The following DNAH14 variants were observed in gnomAD, a reference collection of about 807,000 sequenced individuals.
DNAH14 encodes the protein dynein axonemal heavy chain 14, also known as axonemal beta dynein heavy chain 14.
In DNAH14, 478 loss-of-function variants were observed where a neutral mutation model predicts 520.9. The ratio of observed to expected loss-of-function variants is 0.92; its 90% CI spans 0.85 to 0.99. The LOEUF is 0.99. Ranked by LOEUF, DNAH14 falls within the 50% of genes least tolerant of loss-of-function variation. The probability of loss-of-function intolerance (pLI) is 0.00; values close to 1 mark genes in which losing one functional copy is unlikely to be tolerated. For synonymous variants in DNAH14, 1,581 were observed against 1,757.2 expected, an observed-to-expected ratio of 0.90 and a Z score of 2.51; for missense variants, 4,831 against 5,234.5, an observed-to-expected ratio of 0.92 and a Z score of 2.38.
chr1:224,972,263 A>G (rs1440714626), intron 7 of DNAH14, among the ~76,000 whole-genome samples: 1 of 152,052 alleles, frequency 6.6e-6, no homozygotes, highest in African/African-American at 2.4e-5. Flanking sequence ...AAGTTGTACA[A>G]TTAATATAGA....
chr1:225,086,710 C>T (rs1449920117), intron 21 of DNAH14, among the ~76,000 whole-genome samples: 2 of 151,292 alleles, frequency 1.3e-5, no homozygotes, highest in African/African-American at 4.9e-5. Flanking sequence ...TAATCACATG[C>T]AGTACAAAAA....
intron 27 of DNAH14, among the ~76,000 whole-genome samples, chr1:225,124,022 G>A (rs1043426259): frequency 6.6e-6 from 1 of 152,162 alleles, no homozygotes; most frequent in African/African-American, 2.4e-5. Context: ...CAAAGTGCTA[G>A]GATTACAGGA....
intron 17 of DNAH14, among the ~76,000 whole-genome samples, chr1:225,078,212 G>T (rs543364479): frequency 2.0e-5 from 3 of 152,148 alleles, no homozygotes; most frequent in Non-Finnish European, 4.4e-5. Flanking sequence ...AATCACAGTT[G>T]TATAACTTGC....
chr1:225,379,112 G>A (rs888804835), intron 79 of DNAH14, among the ~76,000 whole-genome samples: 3 of 152,066 alleles, frequency 2.0e-5, no homozygotes, highest in African/African-American at 7.2e-5. Flanking sequence ...CTGGACACGC[G>A]CTCCTCCTGT....
intron 58 of DNAH14, among the ~76,000 whole-genome samples, chr1:225,305,385 C>G (rs755454226): frequency 6.6e-6 from 1 of 152,182 alleles, no homozygotes; most frequent in Non-Finnish European, 1.5e-5. Flanking sequence ...AAGAGTGCCA[C>G]TCCCCATGTC....
At chr1:224,938,296 A>G (rs2059171753) in intron 1 of DNAH14, among the ~76,000 whole-genome samples, 1 of 152,120 alleles carries the variant, frequency 6.6e-6, no homozygotes, top group African/African-American at 2.4e-5. Flanking sequence ...ACCTAAGCAT[A>G]TGACAAGGGA....
At chr1:225,374,175 A>G (rs1328292125) in intron 77 of DNAH14, among the ~76,000 whole-genome samples, 6 of 108,124 alleles carry the variant, frequency 5.5e-5, no homozygotes, top group Non-Finnish European at 7.5e-5. Flanking sequence ...ATATATATAT[A>G]TATATATACT....
At chr1:225,019,658 A>G (rs1044977868) in intron 10 of DNAH14, among the ~76,000 whole-genome samples, 1 of 152,232 alleles carries the variant, frequency 6.6e-6, no homozygotes, top group Non-Finnish European at 1.5e-5. Context: ...GATTGACCAC[A>G]TATTTGTCCA....
intron 9 of DNAH14, among the ~76,000 whole-genome samples, chr1:225,006,874 G>A (rs566076977): frequency 6.6e-6 from 1 of 152,124 alleles, no homozygotes; most frequent in Admixed American, 6.5e-5. Flanking sequence ...TGCTGGTTTT[G>A]CGGCTCGGGG....
At position 224,966,118 on chromosome 1, in the gene DNAH14, A is replaced by G. The variant is rs2061153474; in HGVS notation, c.499-1313A>G. Reference sequence around the variant, plus strand: ...TGGCCAAATAACTATTAAAAAGGTCATACATTATACAAGTCATCATTTAGA... The same window carrying G: ...TGGCCAAATAACTATTAAAAAGGTCGTACATTATACAAGTCATCATTTAGA... On this transcript the variant is annotated intron_variant, in intron 5 of 85. Transcript: ENST00000682510. Among the ~76,000 whole-genome samples the G allele has an allele frequency of 3.3e-5, 5 of 152,254 alleles. No homozygotes were observed. In the South Asian group the frequency reaches 8.3e-4, roughly 25 times the overall value.
intron 60 of DNAH14, 141 bp from the exon 61 acceptor site, chr1:225,318,442 C>T: frequency 1.4e-6 from 1 of 699,372 alleles, no homozygotes. Flanking sequence ...CATGTGTGCA[C>T]ATATCTAAGT....
intron 20 of DNAH14, among the ~76,000 whole-genome samples, chr1:225,083,491 T>C (rs944168330): frequency 6.6e-6 from 1 of 152,164 alleles, no homozygotes; most frequent in Admixed American, 6.5e-5. Context: ...CAAATTCACA[T>C]ATGTAATCTC....
intron 10 of DNAH14, among the ~76,000 whole-genome samples, chr1:225,013,506 T>C (rs2064971930): frequency 6.6e-6 from 1 of 152,192 alleles, no homozygotes; most frequent in African/African-American, 2.4e-5. Context: ...TGTTACTCTC[T>C]TCAGACCTGG....
At position 225,367,826 on chromosome 1, in the gene DNAH14, G is replaced by T; in HGVS notation, c.12112G>T (p.Gly4038Ter). 1 of 1,551,238 alleles carries T rather than the reference G, an allele frequency of 6.4e-7. No homozygotes were observed. Among genetic ancestry groups the T allele is most frequent in the Non-Finnish European group, 8.7e-7 (1 of 1,146,666 alleles). ...GLKIAVESPQ[G>*]LKSNLLQTFG... ...CAAGATTGCCGTGGAATCTCCCCAG[G>T]GATTGAAAAGTAACTTACTTCAGAC... is the stretch of plus-strand genomic sequence containing the variant. Residue 4038 changes from glycine (G) to a stop codon, truncating the protein, a stop_gained, in exon 77 of 86, where the codon GGA becomes TGA. Transcript: ENST00000682510. LOFTEE classifies it high-confidence loss of function.
chr1:225,357,637 A>G (rs1347133899), intron 73 of DNAH14: 1 of 503,848 alleles, frequency 2.0e-6, no homozygotes. Context: ...AATTTTTCCA[A>G]AACATAACAG....
intron 10 of DNAH14, among the ~76,000 whole-genome samples, chr1:225,012,117 C>T (rs1172110473): frequency 1.3e-5 from 2 of 152,030 alleles, no homozygotes; most frequent in South Asian, 2.1e-4. Flanking sequence ...TTTAGTGCTT[C>T]TTTCAGGAGC....
rs755902600 is a variant in DNAH14 at position 225,051,462 on chromosome 1, CCTGA to C, written c.2094_2097del (p.Thr699LeufsTer8). ...ATTCTTCTTTACAGATTGTGAATCT[CCTGA>C]CTATTATTGGTAATTCAATGGGCCT... On this transcript the variant is annotated frameshift_variant, in exon 17 of 86. Coordinates refer to ENST00000682510, the MANE Select transcript of DNAH14 (RefSeq NM_001367479.1). LOFTEE classifies it high-confidence loss of function. 50 of 1,487,922 alleles carry C rather than the reference CCTGA, an allele frequency of 3.4e-5. No homozygotes were observed. The highest frequency in any genetic ancestry group is 1.0e-4 in the Admixed American group (4 of 38,724). 92.2% of individuals were successfully genotyped at this position (1,487,922 alleles called of 1,614,324 possible).
chr1:225,030,627 A>C (rs897948596), intron 11 of DNAH14, among the ~76,000 whole-genome samples: 3 of 151,916 alleles, frequency 2.0e-5, no homozygotes, highest in African/African-American at 7.2e-5. Context: ...TTTGTTGAAA[A>C]GACTAATCTT....
intron 8 of DNAH14, among the ~76,000 whole-genome samples, chr1:224,978,436 T>TA (rs2125679705): frequency 6.6e-6 from 1 of 152,302 alleles, no homozygotes; most frequent in South Asian, 2.1e-4. Flanking sequence ...TTCTCACTAA[T>TA]ATGTGGGAGC....
Sources: allele counts gnomAD v4.1 joint callset (sites outside exome capture counted in the v4.1 genomes callset), GRCh38; gene constraint gnomAD v4.1.1; transcripts MANE v1.5; gene names NCBI Gene and HGNC (gene_info 2026-07-23, HGNC 2026-07-21).